Variants in DLGAP1 observed in about 807,000 individuals in gnomAD.
DLGAP1 encodes disks large-associated protein 1.
Under a neutral mutation model 90.8 loss-of-function variants are expected in DLGAP1, and 11 were observed. The observed-to-expected ratio is 0.12, with a 90% confidence interval of 0.08 to 0.20. The LOEUF (loss-of-function observed/expected upper bound fraction) is 0.20. DLGAP1 is among the 10% of genes least tolerant of loss of function. DLGAP1 has a pLI of 1.00. For synonymous variants in DLGAP1, 558 were observed against 540.7 expected (o/e 1.03, Z -0.44); for missense variants, 1,050 against 1,333.8 (o/e 0.79, Z 3.31).
intron 1 of DLGAP1, among the ~76,000 whole-genome samples, chr18:4,259,919 G>T (rs564094709): frequency 6.6e-6 from 1 of 152,050 alleles, no homozygotes; most frequent in Non-Finnish European, 1.5e-5. Context: ...TCTATTTTAT[G>T]CATTAAATTC....
chr18:4,013,334 G>A (rs2074462291), intron 2 of DLGAP1, among the ~76,000 whole-genome samples: 1 of 152,056 alleles, frequency 6.6e-6, no homozygotes, highest in African/African-American at 2.4e-5. Flanking sequence ...TGAGGCACAG[G>A]GTTTCCCTCA....
chr18:3,905,402 T>C lies in DLGAP1; in HGVS notation c.-72-25262A>G, dbSNP rs1287305323. Among the ~76,000 whole-genome samples the C allele has an allele frequency of 5.8e-5, 4 of 69,520 alleles. No homozygotes were observed. In the Admixed American group the frequency reaches 6.5e-4, roughly 11 times the overall value. The allele number at this position is 69,520 out of a possible 152,430, so 45.6% of individuals were successfully genotyped here. On this transcript the variant is annotated intron_variant, in intron 3 of 12. Transcript: ENST00000315677. ...AAAAAAAAAAAAAAAAGAAAAGAAATGTACCTGAATAAAGGGAAGAACCAA... is the reference window on the plus strand; with the variant it reads ...AAAAAAAAAAAAAAAAGAAAAGAAACGTACCTGAATAAAGGGAAGAACCAA...
At chr18:3,558,365 T>G (rs2053879357) in intron 9 of DLGAP1, among the ~76,000 whole-genome samples, 1 of 152,142 alleles carries the variant, frequency 6.6e-6, no homozygotes, top group African/African-American at 2.4e-5. Flanking sequence ...CCCGAGTAGC[T>G]GGAACCACAG....
At chr18:4,168,380 T>C (rs2076966947) in intron 1 of DLGAP1, among the ~76,000 whole-genome samples, 1 of 152,178 alleles carries the variant, frequency 6.6e-6, no homozygotes, top group African/African-American at 2.4e-5. Context: ...ATTAACCATC[T>C]ATAAGCAAAA....
At chr18:4,265,066 C>G (rs930403422) in intron 1 of DLGAP1, among the ~76,000 whole-genome samples, 2 of 151,816 alleles carry the variant, frequency 1.3e-5, no homozygotes, top group African/African-American at 4.9e-5. Context: ...CAAATAATGA[C>G]AGATTTCCGG....
intron 1 of DLGAP1, among the ~76,000 whole-genome samples, chr18:4,443,618 T>C (rs1040700637): frequency 6.6e-6 from 1 of 152,242 alleles, no homozygotes; most frequent in African/African-American, 2.4e-5. Flanking sequence ...TACTGTTCAG[T>C]GTCCAAACGT....
intron 3 of DLGAP1, among the ~76,000 whole-genome samples, chr18:4,000,866 A>C (rs907785653): frequency 3.3e-5 from 5 of 152,178 alleles, no homozygotes; most frequent in African/African-American, 9.7e-5. Flanking sequence ...AAAGGTCAAT[A>C]GTTTTAGTAG....
intron 1 of DLGAP1, among the ~76,000 whole-genome samples, chr18:4,273,038 T>C (rs964484205): frequency 2.6e-5 from 4 of 152,078 alleles, no homozygotes; most frequent in Non-Finnish European, 5.9e-5. Context: ...GAGAGGAAGG[T>C]CCTGCCAGCA....
intron 9 of DLGAP1, among the ~76,000 whole-genome samples, chr18:3,549,903 AT>A (rs2053283191): frequency 2.0e-5 from 3 of 151,782 alleles, no homozygotes; most frequent in African/African-American, 7.3e-5. Context: ...TAATTAATTA[AT>A]TTATTTATTA....
intron 1 of DLGAP1, among the ~76,000 whole-genome samples, chr18:4,334,595 A>G (rs956182131): frequency 1.3e-5 from 2 of 151,958 alleles, no homozygotes; most frequent in African/African-American, 4.8e-5. Context: ...TTCAGCAACT[A>G]CATGTCATGC....
intron 9 of DLGAP1, among the ~76,000 whole-genome samples, chr18:3,544,627 G>A (rs2052903473): frequency 6.6e-6 from 1 of 151,696 alleles, no homozygotes; most frequent in East Asian, 1.9e-4. Flanking sequence ...CTGAACCCTT[G>A]AAAATTTATT....
intron 1 of DLGAP1, among the ~76,000 whole-genome samples, chr18:4,278,839 A>G (rs1044508268): frequency 3.3e-5 from 5 of 152,200 alleles, no homozygotes; most frequent in Non-Finnish European, 5.9e-5. Context: ...GCAGCAATAA[A>G]CATAGGAATA....
At chr18:3,705,007 A>G (rs2061390190) in intron 7 of DLGAP1, among the ~76,000 whole-genome samples, 1 of 152,260 alleles carries the variant, frequency 6.6e-6, no homozygotes, top group South Asian at 2.1e-4. Context: ...TGGGGATTCC[A>G]GAATTGGGTA....
intron 7 of DLGAP1, among the ~76,000 whole-genome samples, chr18:3,644,064 A>G (rs543563844): frequency 1.3e-5 from 2 of 152,340 alleles, no homozygotes; most frequent in Admixed American, 6.5e-5. Flanking sequence ...CCAATAAAAT[A>G]TAAGTGGAAA....
At chr18:3,583,167 T>G (rs112388887) in intron 7 of DLGAP1, among the ~76,000 whole-genome samples, 333 of 110,972 alleles carry the variant, frequency 3.0e-3, no homozygotes, top group South Asian at 6.6e-3. Flanking sequence ...CCTACCTACC[T>G]ACCTACCTAC....
intron 2 of DLGAP1, among the ~76,000 whole-genome samples, chr18:4,052,589 A>C (rs2075151703): frequency 6.6e-6 from 1 of 152,178 alleles, no homozygotes; most frequent in Non-Finnish European, 1.5e-5. Context: ...ACTGCTGTGA[A>C]GGTCTCTGAC....
intron 5 of DLGAP1, among the ~76,000 whole-genome samples, chr18:3,781,490 C>G (rs1432890026): frequency 6.6e-6 from 1 of 151,844 alleles, no homozygotes; most frequent in Non-Finnish European, 1.5e-5. Flanking sequence ...GTAGCTGGGA[C>G]TGCAGGCACC....
At chr18:3,897,431 C>A (rs1004146097) in intron 3 of DLGAP1, among the ~76,000 whole-genome samples, 1 of 152,166 alleles carries the variant, frequency 6.6e-6, no homozygotes, top group Non-Finnish European at 1.5e-5. Flanking sequence ...ATTTATTCAA[C>A]ATCTACTAAA....
At position 3,529,352 on chromosome 18, in the gene DLGAP1, T is replaced by C. The variant is rs866080166; in HGVS notation, c.2479+4842A>G. ...GACACCAAACCTGCCAGTATCTTAA[T>C]CTTGAACTTCCCAGCCTCCAGAACT... On this transcript the variant is annotated intron_variant, in intron 10 of 12. Transcript: ENST00000315677. 2.2e-4 allele frequency among the ~76,000 whole-genome samples: 34 copies of C among 152,312 alleles called. No individual in the cohort carries two copies. The South Asian group carries it at 3.1e-3, about 14-fold the overall frequency.
Sources: allele counts gnomAD v4.1 joint callset (sites outside exome capture counted in the v4.1 genomes callset), GRCh38; gene constraint gnomAD v4.1.1; transcripts MANE v1.5; gene names NCBI Gene and HGNC (gene_info 2026-07-23, HGNC 2026-07-21).